Variants in VSIG1 observed in about 807,000 individuals in gnomAD.
VSIG1 encodes the protein V-set and immunoglobulin domain-containing protein 1.
VSIG1 carries 11 observed loss-of-function variants against 20.1 expected under a neutral mutation model. The observed-to-expected ratio is 0.55, with a 90% CI of 0.34 to 0.91. The LOEUF (loss-of-function observed/expected upper bound fraction) is 0.91. Ranked by LOEUF, VSIG1 falls within the 40% of genes least tolerant of loss-of-function variation. The pLI, the probability that VSIG1 is intolerant of heterozygous loss-of-function variation, is 0.02. For synonymous variants in VSIG1, 126 were observed against 116.7 expected (o/e 1.08, Z -0.52); for missense variants, 283 against 298.8 (o/e 0.95, Z 0.39).
chrX:108,036,499 A>G, the VSIG1 span, among the ~76,000 whole-genome samples: 1 of 111,728 alleles, frequency 9.0e-6, no homozygotes, highest in Non-Finnish European at 1.9e-5. Flanking sequence ...TCACACTATC[A>G]GTTAACATAG....
intron 2 of VSIG1, among the ~76,000 whole-genome samples, chrX:108,059,811 A>C (rs2030984434): frequency 8.9e-6 from 1 of 112,724 alleles, no homozygotes; most frequent in African/African-American, 3.2e-5. Flanking sequence ...GTAGGCTTGA[A>C]ATCCTTCTCA....
chrX:108,032,378 A>G, the VSIG1 span, among the ~76,000 whole-genome samples: 1 of 112,228 alleles, frequency 8.9e-6, no homozygotes, highest in African/African-American at 3.2e-5. Context: ...TTGAGCACCT[A>G]TTATGTGCCA....
chrX:108,022,677 G>A, the VSIG1 span, among the ~76,000 whole-genome samples: 3 of 111,813 alleles, frequency 2.7e-5, no homozygotes, highest in African/African-American at 9.8e-5. Flanking sequence ...GTTGTCTGTG[G>A]GGTTTTCATA....
the VSIG1 span, among the ~76,000 whole-genome samples, chrX:108,021,113 T>C: frequency 1.8e-5 from 2 of 111,896 alleles, no homozygotes; most frequent in Non-Finnish European, 3.8e-5. Flanking sequence ...ACCTCAATCA[T>C]ACTTTTTCCA....
intron 1 of VSIG1, among the ~76,000 whole-genome samples, chrX:108,047,681 G>A (rs974718817): frequency 2.0e-5 from 2 of 101,125 alleles, no homozygotes; most frequent in African/African-American, 7.3e-5. Flanking sequence ...TACATTAGGA[G>A]GATAATAATC....
At chrX:108,063,638 G>A (rs1392008719) in intron 2 of VSIG1, among the ~76,000 whole-genome samples, 1 of 110,843 alleles carries the variant, frequency 9.0e-6, no homozygotes, top group Non-Finnish European at 1.9e-5. Context: ...AATATCCATC[G>A]GGCTCCTGAA....
At chrX:108,024,861 G>A in the VSIG1 span, among the ~76,000 whole-genome samples, 1 of 111,271 alleles carries the variant, frequency 9.0e-6, no homozygotes, top group East Asian at 2.8e-4. Flanking sequence ...TTGTTTTGTG[G>A]CTTACTATGT....
At chrX:108,039,809 C>T in the VSIG1 span, among the ~76,000 whole-genome samples, 4 of 111,018 alleles carry the variant, frequency 3.6e-5, no homozygotes, top group Admixed American at 9.6e-5. Context: ...TATGAGAAAA[C>T]GAGAAGACTC....
the VSIG1 span, among the ~76,000 whole-genome samples, chrX:108,031,275 CT>C: frequency 8.9e-6 from 1 of 112,135 alleles, no homozygotes; most frequent in East Asian, 2.8e-4. Context: ...AGGCAAAGAC[CT>C]TTCAGTAGGA....
chrX:108,039,330 G>A, the VSIG1 span, among the ~76,000 whole-genome samples: 2 of 111,096 alleles, frequency 1.8e-5, no homozygotes, highest in Non-Finnish European at 3.8e-5. Flanking sequence ...TTACAGGTGT[G>A]TGCCACCACA....
chrX:108,059,525 T>C (rs1026918046), intron 2 of VSIG1, among the ~76,000 whole-genome samples: 7 of 112,175 alleles, frequency 6.2e-5, no homozygotes, highest in African/African-American at 2.3e-4. Context: ...ACTGATATAA[T>C]GCATGTGAAA....
At chrX:108,071,313 C>T (rs777423893) in intron 3 of VSIG1, among the ~76,000 whole-genome samples, 28 of 111,282 alleles carry the variant, frequency 2.5e-4, no homozygotes, top group Non-Finnish European at 4.5e-4. Flanking sequence ...TAGAAATTTA[C>T]ATCATTGTCT....
intron 2 of VSIG1, among the ~76,000 whole-genome samples, chrX:108,058,961 T>C (rs929746981): frequency 1.8e-5 from 2 of 111,422 alleles, no homozygotes; most frequent in Non-Finnish European, 3.8e-5. Context: ...CGCATGCATA[T>C]GCACGTGCGT....
chrX:108,024,059 C>A, the VSIG1 span, among the ~76,000 whole-genome samples: 1 of 110,985 alleles, frequency 9.0e-6, no homozygotes, highest in Non-Finnish European at 1.9e-5. Flanking sequence ...TTAGTTTGGC[C>A]CTGTAATTAA....
chrX:108,057,887 A>C, intron 1 of VSIG1, 151 bp from the exon 2 acceptor site: 1 of 501,406 alleles, frequency 2.0e-6, no homozygotes, highest in Admixed American at 4.7e-5. Context: ...GTGAGCCCCA[A>C]GAAAACTCAA....
In VSIG1 at chrX:108,077,547, C is replaced by A; in HGVS notation, c.*166C>A. Reference sequence around the variant, plus strand: ...CAGAATAAACACGCCAAGATAACAGCTAAATCAGCAAGGGTTCCTGTATTA... The same window carrying A: ...CAGAATAAACACGCCAAGATAACAGATAAATCAGCAAGGGTTCCTGTATTA... On this transcript the variant is annotated 3_prime_UTR_variant, in exon 7 of 7. Coordinates refer to ENST00000217957, the MANE Select transcript of VSIG1 (RefSeq NM_182607.5). 1.8e-6 allele frequency: 1 copy of A among 550,264 alleles called. No individual in the cohort carries two copies. Among genetic ancestry groups the A allele is most frequent in the Non-Finnish European group, 2.9e-6 (1 of 349,317 alleles). The allele number at this position is 550,264 out of a possible 1,213,427, so 45.3% of individuals were successfully genotyped here.
At chrX:108,032,053 C>T in the VSIG1 span, among the ~76,000 whole-genome samples, 1 of 111,768 alleles carries the variant, frequency 8.9e-6, no homozygotes, top group Non-Finnish European at 1.9e-5. Context: ...TTCTCCACAT[C>T]CCCACTTCAA....
rs1569287490 is a variant in VSIG1, at chrX:108,047,971, T to TATATATACACAC, written c.49+2799_49+2800insCACACATATATA. On this transcript the variant is annotated intron_variant, in intron 1 of 6. Transcript: ENST00000217957. ...ATATATATACACACACATATATATATATATATATATATATATATATATATA... is the reference window on the plus strand; with the variant it reads ...ATATATATACACACACATATATATATATATATACACACATATATATATATATATATATATATA... Among the ~76,000 whole-genome samples the TATATATACACAC allele has an allele frequency of 5.0e-4, 29 of 57,742 alleles. 5 individuals are homozygous for TATATATACACAC. The highest frequency in any genetic ancestry group is 7.6e-4 in the Non-Finnish European group (25 of 32,691). The allele number at this position is 57,742 out of a possible 115,157, so 50.1% of individuals were successfully genotyped here. A position where few individuals can be genotyped will look rare whatever the true frequency, so the allele number is the denominator to read the frequency against.
the VSIG1 span, among the ~76,000 whole-genome samples, chrX:108,034,008 A>C: frequency 4.5e-5 from 5 of 110,852 alleles, no homozygotes; most frequent in East Asian, 8.6e-4. Context: ...CTGGCAACTC[A>C]GAGGAAGGCT....
Sources: gnomAD v4.1 joint callset for allele counts (sites outside exome capture counted in the v4.1 genomes callset) on GRCh38, gnomAD v4.1.1 for gene constraint, MANE v1.5 for transcripts, NCBI Gene and HGNC (gene_info 2026-07-23, HGNC 2026-07-21) for gene names.